Variants in ST3GAL3 observed in about 807,000 individuals in gnomAD.
ST3GAL3 encodes the protein ST3 beta-galactoside alpha-2,3-sialyltransferase 3, also known as CMP-N-acetylneuraminate-beta-1,4-galactoside alpha-2,3-sialyltransferase.
A neutral mutation model predicts 50.1 loss-of-function variants in ST3GAL3; 21 were observed. That is an observed-to-expected ratio of 0.42 (90% CI 0.30 to 0.60). The LOEUF (loss-of-function observed/expected upper bound fraction) is 0.60. Among genes scored for constraint, ST3GAL3 ranks in the 20% least tolerant of loss-of-function variants. The probability of loss-of-function intolerance (pLI) is 0.19; values close to 1 mark genes in which losing one functional copy is unlikely to be tolerated. For missense variants in ST3GAL3, 353 were observed against 489.4 expected, an observed-to-expected ratio of 0.72 and a Z score of 2.63; for synonymous variants, 183 against 190.0, an observed-to-expected ratio of 0.96 and a Z score of 0.30.
At chr1:43,770,373 C>G (rs1475113833) in intron 2 of ST3GAL3, among the ~76,000 whole-genome samples, 3 of 151,888 alleles carry the variant, frequency 2.0e-5, no homozygotes, top group Admixed American at 6.6e-5. Context: ...ACAAACAGAA[C>G]AGATTTTAAA....
At chr1:43,850,202 G>A (rs959187790) in intron 5 of ST3GAL3, 10 of 282,290 alleles carry the variant, frequency 3.5e-5, no homozygotes, top group East Asian at 2.6e-4. Context: ...AGTGTCAGTG[G>A]GTCCCTTGTG....
At chr1:43,919,830 G>A (rs368899342) in intron 9 of ST3GAL3, 164 of 170,702 alleles carry the variant, frequency 9.6e-4, no homozygotes, top group South Asian at 6.5e-3. Context: ...TATGGTTAAA[G>A]AAACAGGCTT....
At chr1:43,915,052 C>A (rs2081556737) in intron 9 of ST3GAL3, among the ~76,000 whole-genome samples, 2 of 152,202 alleles carry the variant, frequency 1.3e-5, no homozygotes, top group African/African-American at 2.4e-5. Context: ...GGGGCTGAAA[C>A]AGAAGTTTGC....
chr1:43,805,930 T>C (rs2059825060), intron 3 of ST3GAL3, among the ~76,000 whole-genome samples: 1 of 152,076 alleles, frequency 6.6e-6, no homozygotes, highest in Non-Finnish European at 1.5e-5. Flanking sequence ...GAAACGGGGT[T>C]TCACCGTGTT....
At chr1:43,859,058 C>T (rs934225159) in intron 5 of ST3GAL3, among the ~76,000 whole-genome samples, 1 of 152,190 alleles carries the variant, frequency 6.6e-6, no homozygotes, top group Non-Finnish European at 1.5e-5. Context: ...ACAAATTGCA[C>T]GTAGGTCCAT....
At chr1:43,891,534 A>G (rs1323966562) in intron 5 of ST3GAL3, among the ~76,000 whole-genome samples, 1 of 152,218 alleles carries the variant, frequency 6.6e-6, no homozygotes, top group African/African-American at 2.4e-5. Flanking sequence ...GCACCATTGC[A>G]CTCCAGCCTG....
chr1:43,894,230 A>T, intron 5 of ST3GAL3, 153 bp from the exon 6 acceptor site: 2 of 758,466 alleles, frequency 2.6e-6, no homozygotes, highest in Non-Finnish European at 4.7e-6. Context: ...ACCCCTCGAC[A>T]GCTACCCAGT....
At chr1:43,769,359 C>G (rs984071376) in intron 2 of ST3GAL3, among the ~76,000 whole-genome samples, 2 of 152,086 alleles carry the variant, frequency 1.3e-5, no homozygotes, top group Admixed American at 1.3e-4. Flanking sequence ...AGAACATTCC[C>G]AAACCACTTT....
At chr1:43,858,255 A>T (rs1161169951) in intron 5 of ST3GAL3, 3 of 1,288,896 alleles carry the variant, frequency 2.3e-6, no homozygotes, top group Admixed American at 4.6e-5. Flanking sequence ...GTGATGAGAG[A>T]TTGACTGGGG....
intron 1 of ST3GAL3, among the ~76,000 whole-genome samples, chr1:43,715,574 T>TA (rs112767823): frequency 8.1e-4 from 112 of 138,394 alleles, no homozygotes; most frequent in Middle Eastern, 3.6e-3. Flanking sequence ...AGACTCTGTC[T>TA]AAAAAAAAAA....
chr1:43,879,897 G>A (rs1357836384), intron 5 of ST3GAL3, among the ~76,000 whole-genome samples: 1 of 152,192 alleles, frequency 6.6e-6, no homozygotes, highest in Non-Finnish European at 1.5e-5. Flanking sequence ...AACGTGGTTG[G>A]ATCCATCTGA....
In ST3GAL3 at chr1:43,751,224, T is replaced by C. The variant is rs142568104; in HGVS notation, c.118+14844T>C. 5.3e-3 allele frequency among the ~76,000 whole-genome samples: 810 copies of C among 152,308 alleles called. 17 individuals carry two copies. Among genetic ancestry groups the C allele is most frequent in the African/African-American group, 0.018 (753 of 41,574 alleles). On this transcript the variant is annotated intron_variant, in intron 2 of 11. Coordinates refer to ENST00000347631, the MANE Select transcript of ST3GAL3 (RefSeq NM_006279.5). ...TTTATTTTTCCATATTGGCAGTACC[T>C]TTCATGCTGGCAAAGAGTTTAGAAT...
intron 5 of ST3GAL3, among the ~76,000 whole-genome samples, chr1:43,883,052 T>C (rs2075416620): frequency 6.6e-6 from 1 of 152,004 alleles, no homozygotes; most frequent in Non-Finnish European, 1.5e-5. Flanking sequence ...GCCTCGACCC[T>C]TCCAGGCTCA....
intron 4 of ST3GAL3, among the ~76,000 whole-genome samples, chr1:43,833,869 T>C (rs1471661051): frequency 6.6e-6 from 1 of 152,214 alleles, no homozygotes; most frequent in African/African-American, 2.4e-5. Context: ...TAGGCATCCC[T>C]GGCCAAGGCG....
chr1:43,887,430 G>A (rs1455776565), intron 5 of ST3GAL3, among the ~76,000 whole-genome samples: 1 of 152,118 alleles, frequency 6.6e-6, no homozygotes, highest in Non-Finnish European at 1.5e-5. Flanking sequence ...AAATCAAGTG[G>A]GTTTGGAGTG....
At chr1:43,838,177 C>T in intron 4 of ST3GAL3, 42 bp from the exon 5 acceptor site, 1 of 1,447,254 alleles carries the variant, frequency 6.9e-7, no homozygotes, top group Non-Finnish European at 9.6e-7. Context: ...CCACTCAGTG[C>T]TCAGTGCCTG....
intron 2 of ST3GAL3, among the ~76,000 whole-genome samples, chr1:43,758,574 G>A (rs1689001954): frequency 6.6e-6 from 1 of 152,148 alleles, no homozygotes; most frequent in South Asian, 2.1e-4. Flanking sequence ...TTTAAATTGA[G>A]AGACAGCATT....
intron 3 of ST3GAL3, among the ~76,000 whole-genome samples, chr1:43,809,035 A>G (rs934219762): frequency 3.3e-5 from 5 of 152,222 alleles, no homozygotes; most frequent in African/African-American, 1.2e-4. Context: ...ATACTTAAGG[A>G]ATGCACAGGT....
chr1:43,859,833 G>A (rs1443841994), intron 5 of ST3GAL3, among the ~76,000 whole-genome samples: 1 of 152,208 alleles, frequency 6.6e-6, no homozygotes, highest in Non-Finnish European at 1.5e-5. Context: ...ACTATGATCA[G>A]TGAGGTTCTG....
Sources: gnomAD v4.1 joint callset for allele counts (sites outside exome capture counted in the v4.1 genomes callset) on GRCh38, gnomAD v4.1.1 for gene constraint, MANE v1.5 for transcripts, NCBI Gene and HGNC (gene_info 2026-07-23, HGNC 2026-07-21) for gene names.